The following CPE variants were observed in gnomAD, a reference collection of about 807,000 sequenced individuals.
CPE encodes carboxypeptidase E.
CPE carries 17 observed loss-of-function variants against 53.5 expected under a neutral mutation model. The observed-to-expected ratio is 0.32, with a 90% CI of 0.22 to 0.48. The LOEUF (loss-of-function observed/expected upper bound fraction) is 0.48, where lower values mean the gene tolerates loss of function less well. Ranked by LOEUF, CPE falls within the 20% of genes least tolerant of loss-of-function variation. The pLI is 0.99. For missense variants in CPE, 524 were observed against 614.7 expected (o/e 0.85, Z 1.56); for synonymous variants, 226 against 228.8 (o/e 0.99, Z 0.11).
At chr4:165,487,197 AC>A (rs1272373399) in intron 5 of CPE, among the ~76,000 whole-genome samples, 3 of 152,034 alleles carry the variant, frequency 2.0e-5, no homozygotes, top group Non-Finnish European at 4.4e-5. Flanking sequence ...CTGCATTAGC[AC>A]TCTGCAGCAG....
At chr4:165,426,686 T>A (rs13138024) in intron 1 of CPE, among the ~76,000 whole-genome samples, 23 of 152,008 alleles carry the variant, frequency 1.5e-4, no homozygotes, top group Non-Finnish European at 2.8e-4. Context: ...GAAATACACA[T>A]GCACACTCAC....
At position 165,467,816 on chromosome 4, in the gene CPE, G is replaced by T. The variant is rs773050049; in HGVS notation, c.633G>T (p.Leu211=). The T allele has an allele frequency of 1.5e-5, 25 of 1,613,638 alleles. No homozygotes were observed. Among genetic ancestry groups the T allele is most frequent in the Non-Finnish European group, 2.1e-5 (25 of 1,179,808 alleles). ...NEKEGGPNNH[L]LKNMKKIVDQ... The stretch of plus-strand genomic sequence containing the variant: ...AAGAAGGTGGTCCAAATAATCATCT[G>T]TTGAAAAATATGAAGAAAATTGTGG... The change falls in exon 3 of 9, where the codon CTG becomes CTT. Residue 211 remains leucine (L), a synonymous_variant. Coordinates refer to ENST00000402744, the MANE Select transcript of CPE (RefSeq NM_001873.4).
intron 3 of CPE, 46 bp downstream of exon 3, chr4:165,467,901 G>A (rs1253000476): frequency 1.3e-6 from 2 of 1,586,346 alleles, no homozygotes; most frequent in East Asian, 4.5e-5. Context: ...CTAGCCTAAG[G>A]AAATATGTTC....
chr4:165,418,734 A>G (rs1010146775), intron 1 of CPE, among the ~76,000 whole-genome samples: 3 of 152,222 alleles, frequency 2.0e-5, no homozygotes, highest in Admixed American at 6.5e-5. Context: ...TAAGGTAGCA[A>G]TGATAATTTT....
chr4:165,490,525 C>CCGGAGG (rs1056112845), intron 6 of CPE, among the ~76,000 whole-genome samples: 1 of 151,084 alleles, frequency 6.6e-6, no homozygotes, highest in Non-Finnish European at 1.5e-5. Flanking sequence ...CCCAGCTACT[C>CCGGAGG]CGGAGGCTGA....
At chr4:165,461,177 A>AG (rs1246855629) in intron 1 of CPE, among the ~76,000 whole-genome samples, 6 of 131,114 alleles carry the variant, frequency 4.6e-5, no homozygotes, top group African/African-American at 1.5e-4. Context: ...AAAAAAAAAA[A>AG]AAAAAAAAAA....
chr4:165,488,668 T>G (rs1478897679), intron 6 of CPE, among the ~76,000 whole-genome samples: 1 of 152,218 alleles, frequency 6.6e-6, no homozygotes, highest in African/African-American at 2.4e-5. Flanking sequence ...ATAAAAAAGC[T>G]GTTAAATAAA....
chr4:165,379,023 G>C lies in CPE; in HGVS notation c.-199G>C, dbSNP rs1413146992. The C allele has an allele frequency of 2.6e-6, 1 of 391,940 alleles. No homozygotes were observed. The highest frequency in any genetic ancestry group is 2.1e-5 in the African/African-American group (1 of 47,382). The allele number at this position is 391,940 out of a possible 1,614,324, so 24.3% of individuals were successfully genotyped here. On this transcript the variant is annotated 5_prime_UTR_variant, in exon 1 of 9. Transcript: ENST00000402744. This position sits in a 1 kb window ranked among gnomAD's most constrained non-coding sequence, Gnocchi z 6.0. ...CTCCGCGGCCAGTAGTGCAGCCCGTGGAGCCGCGGCTTTGCCCGTCTCCTC... is the reference window on the plus strand; with the variant it reads ...CTCCGCGGCCAGTAGTGCAGCCCGTCGAGCCGCGGCTTTGCCCGTCTCCTC...
intron 2 of CPE, among the ~76,000 whole-genome samples, chr4:165,466,394 A>G (rs576275108): frequency 1.6e-4 from 25 of 152,220 alleles, no homozygotes; most frequent in Non-Finnish European, 3.5e-4. Context: ...TGGTGAGTGA[A>G]TGTGAAGGCC....
chr4:165,447,155 G>A (rs891454048), intron 1 of CPE, among the ~76,000 whole-genome samples: 1 of 152,228 alleles, frequency 6.6e-6, no homozygotes, highest in African/African-American at 2.4e-5. Flanking sequence ...ATGACTGTAG[G>A]ACTGAAAGTT....
At chr4:165,482,217 T>C in intron 3 of CPE, 25 bp from the exon 4 acceptor site, 2 of 1,438,588 alleles carry the variant, frequency 1.4e-6, no homozygotes, top group Admixed American at 3.6e-5. Flanking sequence ...AAATTTATAA[T>C]CCTTTTAATC....
At chr4:165,475,779 G>A (rs1025080785) in intron 3 of CPE, among the ~76,000 whole-genome samples, 2 of 152,128 alleles carry the variant, frequency 1.3e-5, no homozygotes, top group African/African-American at 4.8e-5. Flanking sequence ...TAGTGTCTGA[G>A]TTCTACTCGG....
intron 3 of CPE, among the ~76,000 whole-genome samples, chr4:165,469,239 G>A (rs1732158353): frequency 6.6e-6 from 1 of 152,274 alleles, no homozygotes; most frequent in Non-Finnish European, 1.5e-5. Context: ...TTGGAGGAAA[G>A]GTGAAGAACT....
chr4:165,455,355 A>T (rs1302266324), intron 1 of CPE, among the ~76,000 whole-genome samples: 1 of 152,222 alleles, frequency 6.6e-6, no homozygotes, highest in East Asian at 1.9e-4. Flanking sequence ...AGTGAAAGAC[A>T]GCAGAATCTT....
chr4:165,460,532 A>G (rs1387877539), intron 1 of CPE, among the ~76,000 whole-genome samples: 2 of 152,100 alleles, frequency 1.3e-5, no homozygotes, highest in African/African-American at 2.4e-5. Flanking sequence ...GCAATGAGCC[A>G]TTGAGGCCTC....
intron 1 of CPE, among the ~76,000 whole-genome samples, chr4:165,419,035 G>A (rs11737162): frequency 0.3 from 44,970 of 152,014 alleles, 6,738 homozygotes; most frequent in Middle Eastern, 0.39. Context: ...TACTTACTCC[G>A]TGGTCTTCTG....
intron 1 of CPE, among the ~76,000 whole-genome samples, chr4:165,437,708 G>A (rs1731532929): frequency 6.6e-6 from 1 of 152,200 alleles, no homozygotes; most frequent in Non-Finnish European, 1.5e-5. Context: ...AGGAAAGACA[G>A]TCAGCCAATC....
At chr4:165,445,885 G>A (rs1017443691) in intron 1 of CPE, among the ~76,000 whole-genome samples, 4 of 151,270 alleles carry the variant, frequency 2.6e-5, no homozygotes, top group African/African-American at 9.7e-5. Context: ...GATTCTTTTA[G>A]CAAAACAGCT....
intron 1 of CPE, among the ~76,000 whole-genome samples, chr4:165,436,901 G>T (rs183928566): frequency 6.6e-6 from 1 of 152,128 alleles, no homozygotes; most frequent in South Asian, 2.1e-4. Flanking sequence ...AAGGTTTACC[G>T]AAAACCACTG....
Sources: allele counts gnomAD v4.1 joint callset (sites outside exome capture counted in the v4.1 genomes callset), GRCh38; gene constraint gnomAD v4.1.1; non-coding constraint Gnocchi (gnomAD v3.1); transcripts MANE v1.5; gene names NCBI Gene and HGNC (gene_info 2026-07-23, HGNC 2026-07-21).